Variants in SFTPC observed in about 807,000 individuals in gnomAD.
SFTPC encodes the protein surfactant protein C.
In SFTPC, 12 loss-of-function variants were observed where a neutral mutation model predicts 19.9. The ratio of observed to expected loss-of-function variants is 0.60; its 90% CI spans 0.39 to 0.98. SFTPC has a LOEUF of 0.98. SFTPC is among the 50% of genes least tolerant of loss of function. The pLI is 0.00. For missense variants in SFTPC, 219 were observed against 252.2 expected (o/e 0.87, Z 0.89); for synonymous variants, 123 against 103.3 (o/e 1.19, Z -1.16).
At chr8:22,159,321 G>T (rs575680457), upstream of SFTPC, among the ~76,000 whole-genome samples, 1 of 152,086 alleles carries the variant, frequency 6.6e-6, no homozygotes, top group South Asian at 2.1e-4. Context: ...AAATAAAACC[G>T]GAGAAGTGGA....
At chr8:22,159,697 A>T, upstream of SFTPC, 1 of 972,562 alleles carries the variant, frequency 1.0e-6, no homozygotes, top group Non-Finnish European at 1.4e-6. Flanking sequence ...CTCTCCCAGC[A>T]CCCAGCGATG....
At chr8:22,163,879 C>T (rs1269141738) in intron 4 of SFTPC, 22 bp from the exon 5 acceptor site, 1 of 1,603,130 alleles carries the variant, frequency 6.2e-7, no homozygotes, top group South Asian at 1.1e-5. Flanking sequence ...TTCCTACATT[C>T]CAGATGGAAT....
In SFTPC at chr8:22,161,891, GTA is replaced by G. The variant is rs1391297585; in HGVS notation, c.42+23_42+24del. On this transcript the variant is annotated intron_variant, in intron 1 of 5. Transcript: ENST00000679463. ...CGCCGGTGAGTGTGGTTGCGTGTGT[GTA>G]TGTATGTGTGCGCGCGCACATGTGT... The G allele has an allele frequency of 2.5e-6, 4 of 1,611,764 alleles. No homozygotes were observed. In the African/African-American group the frequency reaches 4.0e-5, roughly 16 times the overall value.
intron 2 of SFTPC, 68 bp downstream of exon 2, chr8:22,162,800 C>T (rs975254542): frequency 9.0e-5 from 142 of 1,583,480 alleles, no homozygotes; most frequent in Middle Eastern, 1.7e-4. Flanking sequence ...GTGGGATGGG[C>T]GATAGGAAAC....
At chr8:22,163,568 G>T (rs765421401) in intron 4 of SFTPC, 22 bp downstream of exon 4, 1 of 1,533,576 alleles carries the variant, frequency 6.5e-7, no homozygotes, top group South Asian at 1.1e-5. Context: ...TGGGTGAAAA[G>T]AGTGGGCTGT....
chr8:22,162,476 C>A, intron 1 of SFTPC, 98 bp from the exon 2 acceptor site: 2 of 1,372,658 alleles, frequency 1.5e-6, no homozygotes, highest in Non-Finnish European at 2.1e-6. Context: ...GGCTGTCCAG[C>A]CCTAGGCAGC....
chr8:22,162,922 G>A (rs2131816304), intron 2 of SFTPC, among the ~76,000 whole-genome samples, 158 bp from the exon 3 acceptor site: 1 of 152,348 alleles, frequency 6.6e-6, no homozygotes, highest in South Asian at 2.1e-4. Flanking sequence ...CCCCGCAGCA[G>A]GACAGCCAGC....
upstream of SFTPC, among the ~76,000 whole-genome samples, chr8:22,161,450 T>C (rs1021673954): frequency 1.3e-5 from 2 of 151,956 alleles, no homozygotes; most frequent in Non-Finnish European, 1.5e-5. Context: ...ACCTGAAAGG[T>C]TCAGGGTGGT....
chr8:22,157,827 C>T (rs1033832150), upstream of SFTPC, among the ~76,000 whole-genome samples: 3 of 151,984 alleles, frequency 2.0e-5, no homozygotes, highest in South Asian at 4.1e-4. Context: ...TTTGTAAAAT[C>T]GTTTTTCCAT....
upstream of SFTPC, chr8:22,159,523 A>G: frequency 2.8e-6 from 1 of 361,078 alleles, no homozygotes; most frequent in Non-Finnish European, 5.4e-6. Flanking sequence ...GGAGGCAGGC[A>G]CCCTCCCTCA....
Position 22,164,407 on chromosome 8 carries a change from T to C in SFTPC, c.*160T>C, listed in dbSNP as rs974178291. The C allele has an allele frequency of 2.6e-5, 40 of 1,512,744 alleles. No homozygotes were observed. The highest frequency in any genetic ancestry group is 3.5e-5 in the Non-Finnish European group (40 of 1,137,292). 93.7% of individuals were successfully genotyped at this position (1,512,744 alleles called of 1,614,324 possible). On this transcript the variant is annotated 3_prime_UTR_variant, in exon 6 of 6. Coordinates refer to ENST00000679463, the MANE Select transcript of SFTPC (RefSeq NM_001317778.2). ...TGGGAGCTTGGGGAGAGGATGGGAG[T>C]GGGCAGAGGTGGCGCCCAGGGGCCC...
At chr8:22,164,137 T>C in intron 5 of SFTPC, 78 bp downstream of exon 5, 57 of 1,582,446 alleles carry the variant, frequency 3.6e-5, no homozygotes, top group Non-Finnish European at 4.9e-5. Context: ...GCGCTCGCGC[T>C]GACCAGGCGC....
At chr8:22,161,963 TC>T in intron 1 of SFTPC, 93 bp downstream of exon 1, 1 of 1,293,572 alleles carries the variant, frequency 7.7e-7, no homozygotes, top group Non-Finnish European at 1.1e-6. Flanking sequence ...TGTTTCCTTA[TC>T]CAGATCCATT....
rs1043588800 is a variant in SFTPC, at chr8:22,163,061, C to T, written c.202-19C>T. The T allele has an allele frequency of 2.5e-6, 4 of 1,613,716 alleles. No individual in the cohort carries two copies. In the African/African-American group the frequency reaches 5.3e-5, roughly 22 times the overall value. On this transcript the variant is annotated intron_variant, in intron 2 of 5. Transcript: ENST00000679463. ...AGTAGGAAAGGGGAAGACCAGGTGG[C>T]TCCATGCCCTTTCCCCAGGTTCTGG...
At chr8:22,157,878 A>G (rs886203695), upstream of SFTPC, among the ~76,000 whole-genome samples, 2 of 152,210 alleles carry the variant, frequency 1.3e-5, no homozygotes, top group African/African-American at 4.8e-5. Flanking sequence ...TGGGTTTATT[A>G]CTGATATTTT....
At chr8:22,162,509 A>G in intron 1 of SFTPC, 65 bp from the exon 2 acceptor site, 5 of 1,576,028 alleles carry the variant, frequency 3.2e-6, no homozygotes, top group Non-Finnish European at 4.4e-6. Flanking sequence ...TTCAGCTTGT[A>G]TAGGGAGAAG....
intron 5 of SFTPC, 85 bp from the exon 6 acceptor site, chr8:22,164,181 A>C (rs1827932686): frequency 3.3e-6 from 5 of 1,537,940 alleles, no homozygotes; most frequent in Admixed American, 3.9e-5. Flanking sequence ...CATCCAGGCA[A>C]CTCGGGGGAG....
chr8:22,161,654 G>C, upstream of SFTPC: 2 of 1,587,434 alleles, frequency 1.3e-6, no homozygotes, highest in Non-Finnish European at 1.7e-6. Context: ...CTCACAGGGG[G>C]CTTATCTGGG....
intron 2 of SFTPC, 126 bp from the exon 3 acceptor site, chr8:22,162,954 C>T (rs1827816884): frequency 1.4e-6 from 2 of 1,460,768 alleles, no homozygotes; most frequent in Non-Finnish European, 1.9e-6. Flanking sequence ...CCTGGTTCCA[C>T]TCAGCCTCCC....
Sources: gnomAD v4.1 joint callset for allele counts (sites outside exome capture counted in the v4.1 genomes callset) on GRCh38, gnomAD v4.1.1 for gene constraint, MANE v1.5 for transcripts, NCBI Gene and HGNC (gene_info 2026-07-23, HGNC 2026-07-21) for gene names.